Variants in KCNIP4 observed in about 807,000 individuals in gnomAD.
KCNIP4 encodes potassium voltage-gated channel interacting protein 4.
A neutral mutation model predicts 34.0 loss-of-function variants in KCNIP4; 12 were observed. That is an observed-to-expected ratio of 0.35 (90% CI 0.23 to 0.57). KCNIP4 has a LOEUF of 0.57. KCNIP4 is among the 20% of genes least tolerant of loss of function. The pLI is 0.83. For synonymous variants in KCNIP4, 124 were observed against 102.2 expected, an observed-to-expected ratio of 1.21 and a Z score of -1.29; for missense variants, 238 against 311.7, an observed-to-expected ratio of 0.76 and a Z score of 1.78.
At chr4:21,925,614 C>T (rs182586206) in intron 1 of KCNIP4, among the ~76,000 whole-genome samples, 2 of 152,134 alleles carry the variant, frequency 1.3e-5, no homozygotes, top group Non-Finnish European at 2.9e-5. Flanking sequence ...CTTTTCCCCC[C>T]ACCCTCTATT....
chr4:21,241,316 T>G (rs1394129062), intron 1 of KCNIP4, among the ~76,000 whole-genome samples: 1 of 145,494 alleles, frequency 6.9e-6, no homozygotes, highest in African/African-American at 2.8e-5. Context: ...ACTTAAAAAT[T>G]TTTTTTCTAA....
intron 1 of KCNIP4, among the ~76,000 whole-genome samples, chr4:21,737,931 AC>A (rs1319639369): frequency 1.3e-5 from 2 of 151,450 alleles, no homozygotes; most frequent in African/African-American, 4.9e-5. Flanking sequence ...AAAAACACAC[AC>A]ACACAAAAAA....
intron 1 of KCNIP4, among the ~76,000 whole-genome samples, chr4:20,978,200 G>C (rs1342266102): frequency 1.3e-5 from 2 of 152,054 alleles, no homozygotes; most frequent in Admixed American, 6.6e-5. Flanking sequence ...TGGTGTGCAG[G>C]TATCTTCACT....
intron 1 of KCNIP4, among the ~76,000 whole-genome samples, chr4:21,182,137 G>A (rs893282026): frequency 1.3e-5 from 2 of 152,152 alleles, no homozygotes; most frequent in Non-Finnish European, 2.9e-5. Flanking sequence ...AAGACTGTTG[G>A]CCTTGCAACA....
chr4:21,460,534 G>T (rs1446673364), intron 1 of KCNIP4, among the ~76,000 whole-genome samples: 2 of 151,954 alleles, frequency 1.3e-5, no homozygotes, highest in African/African-American at 2.4e-5. Context: ...CACCCTTATG[G>T]GCTCTATTCC....
At chr4:21,202,538 A>G (rs1361852709) in intron 1 of KCNIP4, among the ~76,000 whole-genome samples, 2 of 152,176 alleles carry the variant, frequency 1.3e-5, no homozygotes, top group Non-Finnish European at 2.9e-5. Flanking sequence ...ACCATGCAAT[A>G]TACCTTTGTA....
At chr4:21,903,178 T>G (rs1004350050) in intron 1 of KCNIP4, among the ~76,000 whole-genome samples, 1 of 152,182 alleles carries the variant, frequency 6.6e-6, no homozygotes, top group Non-Finnish European at 1.5e-5. Context: ...ATGTTTAAAT[T>G]TGATAGAAGT....
At chr4:21,451,005 G>A (rs1393283213) in intron 1 of KCNIP4, among the ~76,000 whole-genome samples, 1 of 152,124 alleles carries the variant, frequency 6.6e-6, no homozygotes, top group East Asian at 1.9e-4. Context: ...GGACAAATGT[G>A]TGGTTTTAAA....
intron 1 of KCNIP4, among the ~76,000 whole-genome samples, chr4:21,736,011 C>T (rs757411668): frequency 6.6e-6 from 1 of 152,118 alleles, no homozygotes; most frequent in Non-Finnish European, 1.5e-5. Flanking sequence ...GAAAGGAAAT[C>T]AGTCATTTCA....
At chr4:21,646,620 C>T (rs1474804316) in intron 1 of KCNIP4, among the ~76,000 whole-genome samples, 2 of 152,032 alleles carry the variant, frequency 1.3e-5, no homozygotes, top group Non-Finnish European at 2.9e-5. Context: ...TTCAATTTAA[C>T]AGCCATGCCC....
intron 1 of KCNIP4, among the ~76,000 whole-genome samples, chr4:21,564,384 C>T (rs1739679973): frequency 6.6e-6 from 1 of 152,058 alleles, no homozygotes; most frequent in Non-Finnish European, 1.5e-5. Context: ...CCTCAATGGA[C>T]TAAATATTTA....
intron 4 of KCNIP4, among the ~76,000 whole-genome samples, chr4:20,758,322 C>T (rs1002810574): frequency 2.6e-5 from 4 of 152,066 alleles, no homozygotes; most frequent in African/African-American, 4.8e-5. Flanking sequence ...GAAAGAGGAA[C>T]AGCAGAAAAT....
chr4:21,912,262 G>A (rs1451630334), intron 1 of KCNIP4, among the ~76,000 whole-genome samples: 1 of 152,066 alleles, frequency 6.6e-6, no homozygotes, highest in Non-Finnish European at 1.5e-5. Flanking sequence ...GTGTTCAAGG[G>A]GTTTATTATA....
chr4:21,737,974 C>A (rs953368106), intron 1 of KCNIP4, among the ~76,000 whole-genome samples: 1 of 151,860 alleles, frequency 6.6e-6, no homozygotes, highest in Admixed American at 6.6e-5. Flanking sequence ...CGCCTGTAGT[C>A]CCAGCTACTC....
chr4:20,873,684 CT>C (rs1723714911), intron 2 of KCNIP4, among the ~76,000 whole-genome samples: 1 of 152,298 alleles, frequency 6.6e-6, no homozygotes, highest in Admixed American at 6.5e-5. Context: ...TCCCTCTACT[CT>C]TGGCTGACCA....
At chr4:21,361,416 T>C (rs994712247) in intron 1 of KCNIP4, among the ~76,000 whole-genome samples, 6 of 152,180 alleles carry the variant, frequency 3.9e-5, no homozygotes, top group Middle Eastern at 3.4e-3. Flanking sequence ...CCTGACAATA[T>C]TTGTATCAGC....
intron 1 of KCNIP4, among the ~76,000 whole-genome samples, chr4:21,452,324 G>C (rs886508719): frequency 1.3e-5 from 2 of 152,152 alleles, no homozygotes; most frequent in Non-Finnish European, 2.9e-5. Flanking sequence ...GGAGAAGGAA[G>C]TTAGAAGCTG....
At chr4:20,994,823 T>C (rs1360961205) in intron 1 of KCNIP4, among the ~76,000 whole-genome samples, 3 of 152,200 alleles carry the variant, frequency 2.0e-5, no homozygotes, top group Non-Finnish European at 4.4e-5. Flanking sequence ...GAGTTTTTCA[T>C]TTTTAGTTCA....
At chr4:21,435,459 C>T (rs1395675210) in intron 1 of KCNIP4, among the ~76,000 whole-genome samples, 1 of 152,116 alleles carries the variant, frequency 6.6e-6, no homozygotes, top group Admixed American at 6.6e-5. Flanking sequence ...TTCACCTCTT[C>T]ATTGTTTATC....
Sources: gnomAD v4.1 joint callset for allele counts (sites outside exome capture counted in the v4.1 genomes callset) on GRCh38, gnomAD v4.1.1 for gene constraint, MANE v1.5 for transcripts, NCBI Gene and HGNC (gene_info 2026-07-23, HGNC 2026-07-21) for gene names.